Variants in SERPINB9 observed in about 807,000 individuals in gnomAD.
SERPINB9 encodes serpin B9.
In SERPINB9, 20 loss-of-function variants were observed where a neutral mutation model predicts 27.2. The ratio of observed to expected loss-of-function variants is 0.74; its 90% CI spans 0.52 to 1.07. The LOEUF (loss-of-function observed/expected upper bound fraction) is 1.07. Among genes scored for constraint, SERPINB9 ranks in the 50% least tolerant of loss-of-function variants. SERPINB9 has a pLI of 0.00. For synonymous variants in SERPINB9, 189 were observed against 180.0 expected, an observed-to-expected ratio of 1.05 and a Z score of -0.40; for missense variants, 476 against 460.1, an observed-to-expected ratio of 1.03 and a Z score of -0.32.
In SERPINB9 at chr6:2,890,159, C is replaced by T. The variant is rs755780346; in HGVS notation, c.*4G>A. ...AATGGCCGAGTGCACGGTAAGTGCA[C>T]CCTTTATGGCGATGAGAACCTGCCA... On this transcript the variant is annotated 3_prime_UTR_variant, in exon 7 of 7. Transcript: ENST00000380698. This position sits in a 1 kb window ranked among gnomAD's most constrained non-coding sequence, Gnocchi z 6.2. 7 of 1,610,296 alleles carry T rather than the reference C, an allele frequency of 4.3e-6. No homozygotes were observed. Among genetic ancestry groups the T allele is most frequent in the Non-Finnish European group, 4.2e-6 (5 of 1,177,396 alleles).
At position 2,892,670 on chromosome 6, in the gene SERPINB9, G is replaced by GA. The variant is rs534128728; in HGVS notation, c.568-683dup. On this transcript the variant is annotated intron_variant, in intron 5 of 6. Coordinates refer to ENST00000380698, the MANE Select transcript of SERPINB9 (RefSeq NM_004155.6). ...TAAAATAGTTCTAAAACCAGGGTTA[G>GA]AATTCTCCTCCTCCCACCCTTTGCA... Among the ~76,000 whole-genome samples, 26 of 152,246 alleles carry GA rather than the reference G, an allele frequency of 1.7e-4. No homozygotes were observed. The South Asian group carries it at 5.4e-3, about 32-fold the overall frequency.
Position 2,890,206 on chromosome 6 carries a change from C to G in SERPINB9, c.1088G>C (p.Arg363Thr). 6.2e-7 allele frequency: 1 copy of G among 1,614,204 alleles called. No individual in the cohort carries two copies. Among genetic ancestry groups the G allele is most frequent in the Non-Finnish European group, 8.5e-7 (1 of 1,180,032 alleles). The change falls in exon 7 of 7, where the codon AGA becomes ACA. Residue 363 changes from arginine (R) to threonine (T), a missense_variant. Transcript: ENST00000380698. The surrounding 1 kb of genome is among the most constrained non-coding windows in gnomAD (Gnocchi z 6.2). ...GCCACAGAACAGAATGCTGTTGGCT[C>G]TGTTGTGCCTGATGAAGAAAAGGAA... ...HPFLFFIRHN[R>T]ANSILFCGRF...
Position 2,890,374 on chromosome 6 carries a change from C to T in SERPINB9, c.920G>A (p.Arg307Lys). ...CACGAACTTGGACAGACACAGGTCT[C>T]TCTCCGCTGACATTGCCGACAAGTC... ...KADLSAMSAERDLCLSKFVHK... is the reference protein window; with the variant it reads ...KADLSAMSAEKDLCLSKFVHK... Residue 307 changes from arginine to lysine, a missense_variant, in exon 7 of 7, where the codon AGA becomes AAA. Physicochemically the swap from Arg to Lys is conservative, Grantham distance 26. Transcript: ENST00000380698. This position sits in a 1 kb window ranked among gnomAD's most constrained non-coding sequence, Gnocchi z 6.2. 1 of 1,614,228 alleles carries T rather than the reference C, an allele frequency of 6.2e-7. No homozygotes were observed. The highest frequency in any genetic ancestry group is 1.3e-5 in the African/African-American group (1 of 75,060).
intron 5 of SERPINB9, among the ~76,000 whole-genome samples, chr6:2,892,454 ACT>A (rs763417036): frequency 1.8e-4 from 27 of 152,320 alleles, no homozygotes; most frequent in Non-Finnish European, 3.1e-4. Context: ...AAATGGATAC[ACT>A]CTCTCAGAAA....
rs998643081 is a variant in SERPINB9 at position 2,891,109 on chromosome 6, C to T, written c.724-539G>A. ...AGGTGGGCAGAGGGAGAGCCAATGG[C>T]TGCTGCGCACACAGACCTCTTAAGT... On this transcript the variant is annotated intron_variant, in intron 6 of 6. Coordinates refer to ENST00000380698, the MANE Select transcript of SERPINB9 (RefSeq NM_004155.6). The surrounding 1 kb of genome is among the most constrained non-coding windows in gnomAD (Gnocchi z 4.0). Among the ~76,000 whole-genome samples the T allele has an allele frequency of 4.6e-5, 7 of 152,306 alleles. No individual in the cohort carries two copies. The highest frequency in any genetic ancestry group is 1.9e-4 in the East Asian group (1 of 5,182).
In SERPINB9 at chr6:2,895,368, G is replaced by A. The variant is rs377460110; in HGVS notation, c.424+23C>T. The A allele has an allele frequency of 1.7e-5, 26 of 1,506,840 alleles. No homozygotes were observed. The African/African-American group carries it at 1.8e-4, about 10-fold the overall frequency. 93.3% of individuals were successfully genotyped at this position (1,506,840 alleles called of 1,614,324 possible). ...AGGAGGAGGACGGGTTGGGAGGAAG[G>A]TGCAATAACTTGTCATTCTGACCTT... On this transcript the variant is annotated intron_variant, in intron 4 of 6. Transcript: ENST00000380698.
chr6:2,892,105 T>TA (rs535487251), intron 5 of SERPINB9, 117 bp from the exon 6 acceptor site: 1,286 of 118,024 alleles, frequency 0.011, 96 homozygotes, highest in African/African-American at 0.023. Context: ...CAGTTAACAC[T>TA]AAAAAAAAAA....
In SERPINB9 at chr6:2,895,503, A is replaced by G; in HGVS notation, c.312T>C (p.Phe104=). The stretch of plus-strand genomic sequence containing the variant: ...GGTAGAATTGAAGACAGGATTCCTT[A>G]AACGTCTTTGGAGAGAAAAATGTTC... ...GEKTCQFLST[F]KESCLQFYHA... The change falls in exon 4 of 7, where the codon TTT becomes TTC. Residue 104 remains phenylalanine, a synonymous_variant. Transcript: ENST00000380698. 1 of 1,610,780 alleles carries G rather than the reference A, an allele frequency of 6.2e-7. No individual in the cohort carries two copies. The highest frequency in any genetic ancestry group is 8.5e-7 in the Non-Finnish European group (1 of 1,177,774).
rs1767661065 is a variant in SERPINB9, at chr6:2,888,252, CAACTGCTGTGG to C, written c.*1900_*1910del. On this transcript the variant is annotated 3_prime_UTR_variant, in exon 7 of 7. Transcript: ENST00000380698. ...TTGCTGGTGGGAATGTGGAATGGTT[CAACTGCTGTGG>C]AAAACAGTTTGTCTGTTCCTCAAAA... 1 of 152,110 alleles carries C rather than the reference CAACTGCTGTGG, an allele frequency of 6.6e-6. No homozygotes were observed. The highest frequency in any genetic ancestry group is 1.5e-5 in the Non-Finnish European group (1 of 68,038). The allele number at this position is 152,110 out of a possible 1,614,324, so 9.4% of individuals were successfully genotyped here.
rs1350268465 is a variant in SERPINB9 at position 2,889,231 on chromosome 6, T to C, written c.*932A>G. 6.6e-6 allele frequency: 1 copy of C among 152,072 alleles called. No homozygotes were observed. Among genetic ancestry groups the C allele is most frequent in the East Asian group, 1.9e-4 (1 of 5,192 alleles). The allele number at this position is 152,072 out of a possible 1,614,324, so 9.4% of individuals were successfully genotyped here. On this transcript the variant is annotated 3_prime_UTR_variant, in exon 7 of 7. Transcript: ENST00000380698. ...CCCTACAAGAGGATTACGTGGTAAGTTGAAAGACATTAAACAGTCCAACCT... is the reference window on the plus strand; with the variant it reads ...CCCTACAAGAGGATTACGTGGTAAGCTGAAAGACATTAAACAGTCCAACCT...
chr6:2,892,044 C>A lies in SERPINB9; in HGVS notation c.568-56G>T, dbSNP rs140662453. ...AAAACTTTCAAAAGAGCTGCAGTTGCCTCCAAGAGTGTTTTCAGCACCTGT... is the reference window on the plus strand; with the variant it reads ...AAAACTTTCAAAAGAGCTGCAGTTGACTCCAAGAGTGTTTTCAGCACCTGT... On this transcript the variant is annotated intron_variant, in intron 5 of 6. Coordinates refer to ENST00000380698, the MANE Select transcript of SERPINB9 (RefSeq NM_004155.6). 2.8e-4 allele frequency: 435 copies of A among 1,540,000 alleles called. 2 individuals are homozygous for A. The African/African-American group carries it at 5.1e-3, about 18-fold the overall frequency.
At chr6:2,892,789 C>G (rs1767854285) in intron 5 of SERPINB9, among the ~76,000 whole-genome samples, 3 of 151,904 alleles carry the variant, frequency 2.0e-5, no homozygotes, top group Admixed American at 2.0e-4. Flanking sequence ...AAAATAGTAT[C>G]TTTTTAGGGG....
chr6:2,900,176 G>T, intron 2 of SERPINB9: 3 of 526,260 alleles, frequency 5.7e-6, no homozygotes, highest in Non-Finnish European at 1.0e-5. Context: ...GAAAGATTCT[G>T]CGCTAGGACA....
At chr6:2,897,297 C>T (rs1255223367) in intron 2 of SERPINB9, among the ~76,000 whole-genome samples, 1 of 152,126 alleles carries the variant, frequency 6.6e-6, no homozygotes, top group African/African-American at 2.4e-5. Context: ...GAAATCCTGT[C>T]TCTACTAAAA....
At chr6:2,892,377 CAT>C (rs1025037602) in intron 5 of SERPINB9, among the ~76,000 whole-genome samples, 1 of 151,914 alleles carries the variant, frequency 6.6e-6, no homozygotes, top group African/African-American at 2.4e-5. Flanking sequence ...TCCAACCCAA[CAT>C]ATGAGAAAAA....
intron 1 of SERPINB9, among the ~76,000 whole-genome samples, chr6:2,902,616 T>C (rs1318323935): frequency 6.6e-6 from 1 of 151,780 alleles, no homozygotes. Flanking sequence ...GCCTCCCGAG[T>C]TGAAGTGATT....
In SERPINB9 at chr6:2,891,693, G is replaced by T; in HGVS notation, c.723+140C>A. ...TGGGAAAAGTCAGCCTTGAACAAAA[G>T]TTCGATCCCAACGCCAAGTGCCTGC... On this transcript the variant is annotated intron_variant, in intron 6 of 6. Coordinates refer to ENST00000380698, the MANE Select transcript of SERPINB9 (RefSeq NM_004155.6). The surrounding 1 kb of genome is among the most constrained non-coding windows in gnomAD (Gnocchi z 4.0). The T allele has an allele frequency of 2.1e-6, 2 of 931,152 alleles. No homozygotes were observed. Among genetic ancestry groups the T allele is most frequent in the South Asian group, 1.9e-5 (1 of 52,302 alleles). The allele number at this position is 931,152 out of a possible 1,614,324, so 57.7% of individuals were successfully genotyped here. A position where few individuals can be genotyped will look rare whatever the true frequency, so the allele number is the denominator to read the frequency against.
Position 2,890,266 on chromosome 6 carries a change from A to G in SERPINB9, c.1028T>C (p.Met343Thr). The change falls in exon 7 of 7, where the codon ATG becomes ACG. Residue 343 changes from methionine to threonine, a missense_variant. By Grantham distance (81) the Met-to-Thr change is moderately conservative. Transcript: ENST00000380698. This position sits in a 1 kb window ranked among gnomAD's most constrained non-coding sequence, Gnocchi z 6.2. Reference sequence around the variant, plus strand: ...AGCACAGAACCTGGGGCCAGATTCCATGCAGCACTCTGCAACTACAAAGCA... The same window carrying G: ...AGCACAGAACCTGGGGCCAGATTCCGTGCAGCACTCTGCAACTACAAAGCA... ...SSCFVVAECCMESGPRFCADH... is the reference protein window; with the variant it reads ...SSCFVVAECCTESGPRFCADH... 6.2e-7 allele frequency: 1 copy of G among 1,614,226 alleles called. No individual in the cohort carries two copies. Among genetic ancestry groups the G allele is most frequent in the Non-Finnish European group, 8.5e-7 (1 of 1,180,032 alleles).
rs1295566938 is a variant in SERPINB9, at chr6:2,890,974, G to A, written c.724-404C>T. Reference sequence around the variant, plus strand: ...GCTCTCAGTGTGAGCCACTCCAACAGGATTATCTGTCCCAGGTGAGATTCT... The same window carrying A: ...GCTCTCAGTGTGAGCCACTCCAACAAGATTATCTGTCCCAGGTGAGATTCT... On this transcript the variant is annotated intron_variant, in intron 6 of 6. Coordinates refer to ENST00000380698, the MANE Select transcript of SERPINB9 (RefSeq NM_004155.6). This position sits in a 1 kb window ranked among gnomAD's most constrained non-coding sequence, Gnocchi z 6.2. Among the ~76,000 whole-genome samples the A allele has an allele frequency of 1.2e-4, 18 of 152,162 alleles. No individual in the cohort carries two copies. Among genetic ancestry groups the A allele is most frequent in the Non-Finnish European group, 8.8e-5 (6 of 68,016 alleles).
Sources: allele counts gnomAD v4.1 joint callset (sites outside exome capture counted in the v4.1 genomes callset), GRCh38; gene constraint gnomAD v4.1.1; non-coding constraint Gnocchi (gnomAD v3.1); transcripts MANE v1.5; gene names NCBI Gene and HGNC (gene_info 2026-07-23, HGNC 2026-07-21).